Variants in FUT8 observed in about 807,000 individuals in gnomAD.
The protein encoded by FUT8 is fucosyltransferase 8, also known as alpha-(1,6)-fucosyltransferase.
A neutral mutation model predicts 71.3 loss-of-function variants in FUT8; 29 were observed. The ratio of observed to expected loss-of-function variants is 0.41; its 90% CI spans 0.30 to 0.55. The LOEUF (loss-of-function observed/expected upper bound fraction) is 0.55, where lower values mean the gene tolerates loss of function less well. FUT8 is among the 20% of genes least tolerant of loss of function. The probability of loss-of-function intolerance (pLI) is 0.34; values close to 1 mark genes in which losing one functional copy is unlikely to be tolerated. For missense variants in FUT8, 544 were observed against 702.1 expected (o/e 0.77, Z 2.55); for synonymous variants, 254 against 239.3 (o/e 1.06, Z -0.57).
chr14:65,602,370 C>CAA (rs1411340426), intron 3 of FUT8, among the ~76,000 whole-genome samples: 1 of 136,786 alleles, frequency 7.3e-6, no homozygotes, highest in Non-Finnish European at 1.5e-5. Context: ...CACACACACA[C>CAA]ACACACACAC....
At chr14:65,644,851 G>A (rs1017415370) in intron 6 of FUT8, among the ~76,000 whole-genome samples, 1 of 152,110 alleles carries the variant, frequency 6.6e-6, no homozygotes, top group Non-Finnish European at 1.5e-5. Context: ...TAACTCATAT[G>A]TGAACAAAGC....
At position 65,489,569 on chromosome 14, in the gene FUT8, G is replaced by A. The variant is rs1448128990; in HGVS notation, c.-228+33851G>A. 2.6e-5 allele frequency among the ~76,000 whole-genome samples: 4 copies of A among 152,026 alleles called. No homozygotes were observed. The highest frequency in any genetic ancestry group is 9.7e-5 in the African/African-American group (4 of 41,416). ...CTATAGATTTGTGATTAAAAAAATA[G>A]TTCCCTATTTGAATAATTGTCCAGG... On this transcript the variant is annotated intron_variant, in intron 2 of 10. Transcript: ENST00000673929. This position sits in a 1 kb window ranked among gnomAD's most constrained non-coding sequence, Gnocchi z 4.0.
At chr14:65,707,584 G>A (rs1894613633) in intron 7 of FUT8, among the ~76,000 whole-genome samples, 1 of 152,096 alleles carries the variant, frequency 6.6e-6, no homozygotes. Context: ...CTGTCATGAA[G>A]CTTTTCCCGT....
At chr14:65,382,397 C>T in the FUT8 span, among the ~76,000 whole-genome samples, 2 of 152,112 alleles carry the variant, frequency 1.3e-5, no homozygotes, top group Admixed American at 6.5e-5. Context: ...AGTGCAGTGG[C>T]GTGATCTCGG....
chr14:65,697,129 A>C (rs1399007100), intron 7 of FUT8, among the ~76,000 whole-genome samples: 1 of 152,092 alleles, frequency 6.6e-6, no homozygotes, highest in African/African-American at 2.4e-5. Flanking sequence ...GCCAAATGTG[A>C]GGTATTGGAT....
At chr14:65,538,704 G>A (rs1884494258) in intron 2 of FUT8, among the ~76,000 whole-genome samples, 1 of 152,188 alleles carries the variant, frequency 6.6e-6, no homozygotes, top group Admixed American at 6.5e-5. Flanking sequence ...TGGATTGCCT[G>A]AGGTCAGGAG....
chr14:65,658,958 T>C (rs1891826754), intron 6 of FUT8, among the ~76,000 whole-genome samples: 1 of 152,132 alleles, frequency 6.6e-6, no homozygotes. Flanking sequence ...AAGGTACTAT[T>C]GTTAAGTAAT....
intron 2 of FUT8, among the ~76,000 whole-genome samples, chr14:65,504,006 C>T (rs1274188084): frequency 3.9e-5 from 6 of 152,118 alleles, no homozygotes; most frequent in East Asian, 1.9e-4. Flanking sequence ...GGCTGATTGC[C>T]GCAGTTGGAT....
chr14:65,597,310 G>T (rs999670213), intron 3 of FUT8, among the ~76,000 whole-genome samples: 1 of 152,306 alleles, frequency 6.6e-6, no homozygotes, highest in Admixed American at 6.5e-5. Flanking sequence ...GCTTTTCAGT[G>T]ATGGTGGTGG....
At chr14:65,618,010 C>CATATATAT (rs149450437) in intron 5 of FUT8, among the ~76,000 whole-genome samples, 52 of 86,982 alleles carry the variant, frequency 6.0e-4, no homozygotes, top group South Asian at 7.6e-4. Context: ...AAAATTAATT[C>CATATATAT]ATATATATAT....
chr14:65,503,064 G>A (rs957694264), intron 2 of FUT8, among the ~76,000 whole-genome samples: 4 of 152,150 alleles, frequency 2.6e-5, no homozygotes, highest in Non-Finnish European at 4.4e-5. Context: ...AAGCCTGCCC[G>A]TCTAGAAATA....
At chr14:65,736,184 C>A (rs1896207359) in intron 10 of FUT8, among the ~76,000 whole-genome samples, 2 of 151,896 alleles carry the variant, frequency 1.3e-5, no homozygotes, top group South Asian at 4.2e-4. Context: ...AGTATAGAGT[C>A]TTTTTGAGGA....
rs921061902 is a variant in FUT8, at chr14:65,669,324, G to A, written c.679G>A (p.Val227Met). ...TGGCTATGGCTGTCAGCTCCATCAT[G>A]TGGTCTACTGCTTCATGATTGCATA... is the stretch of plus-strand genomic sequence containing the variant. ...GCGYGCQLHH[V>M]VYCFMIAYGT... is the part of the protein sequence containing the mutation. The change falls in exon 7 of 11, where the codon GTG becomes ATG. Residue 227 changes from valine (V) to methionine (M), a missense_variant. Transcript: ENST00000673929. The surrounding 1 kb of genome is among the most constrained non-coding windows in gnomAD (Gnocchi z 4.5). The A allele has an allele frequency of 1.2e-6, 2 of 1,613,778 alleles. No individual in the cohort carries two copies. The highest frequency in any genetic ancestry group is 1.3e-5 in the African/African-American group (1 of 74,894).
intron 2 of FUT8, among the ~76,000 whole-genome samples, chr14:65,510,683 A>G (rs980847804): frequency 3.4e-4 from 51 of 151,938 alleles, no homozygotes; most frequent in African/African-American, 1.1e-3. Context: ...GAATTTGTCT[A>G]TTTCTTCTAA....
chr14:65,666,504 G>T (rs772927564), intron 6 of FUT8, among the ~76,000 whole-genome samples: 2 of 152,088 alleles, frequency 1.3e-5, no homozygotes, highest in Non-Finnish European at 2.9e-5. Context: ...ACCCTGAACA[G>T]ACCAATAACA....
At chr14:65,729,180 C>G (rs1195127715) in intron 9 of FUT8, among the ~76,000 whole-genome samples, 1 of 151,372 alleles carries the variant, frequency 6.6e-6, no homozygotes, top group Non-Finnish European at 1.5e-5. Context: ...CATGCAGCAT[C>G]ATGCCCAGCT....
At chr14:65,415,541 C>T (rs1318921922) in intron 1 of FUT8, among the ~76,000 whole-genome samples, 4 of 152,088 alleles carry the variant, frequency 2.6e-5, no homozygotes, top group African/African-American at 9.7e-5. Flanking sequence ...ACCCATTGTA[C>T]ATGTTGTGTG....
intron 6 of FUT8, chr14:65,646,562 A>G (rs1403858319): frequency 2.0e-5 from 3 of 152,160 alleles, no homozygotes; most frequent in African/African-American, 7.2e-5. Context: ...ACAATTGTGT[A>G]TCAACTGCTT....
At position 65,436,474 on chromosome 14, in the gene FUT8, C is replaced by CA. The variant is rs377017601; in HGVS notation, c.-325-19141dup. ...TGAAACCCTGTCTCTACTAAAAATACAAAAAATTAGCCAGGTGTGGTGGTG... is the reference window on the plus strand; with the variant it reads ...TGAAACCCTGTCTCTACTAAAAATACAAAAAAATTAGCCAGGTGTGGTGGTG... On this transcript the variant is annotated intron_variant, in intron 1 of 10. Coordinates refer to ENST00000673929, the MANE Select transcript of FUT8 (RefSeq NM_001371533.1). 1.1e-4 allele frequency among the ~76,000 whole-genome samples: 17 copies of CA among 151,632 alleles called. 2 individuals carry two copies. The highest frequency in any genetic ancestry group is 3.9e-4 in the African/African-American group (16 of 41,342).
Sources: allele counts gnomAD v4.1 joint callset (sites outside exome capture counted in the v4.1 genomes callset), GRCh38; gene constraint gnomAD v4.1.1; non-coding constraint Gnocchi (gnomAD v3.1); transcripts MANE v1.5; gene names NCBI Gene and HGNC (gene_info 2026-07-23, HGNC 2026-07-21).